Variants in CTNNA2 observed in about 807,000 individuals in gnomAD.
The protein encoded by CTNNA2 is catenin alpha 2, also known as catenin alpha-2.
Under a neutral mutation model 101.0 loss-of-function variants are expected in CTNNA2, and 42 were observed. That is an observed-to-expected ratio of 0.42 (90% CI 0.32 to 0.54). The LOEUF (loss-of-function observed/expected upper bound fraction) is 0.54. CTNNA2 is among the 20% of genes least tolerant of loss of function. The pLI, the probability that CTNNA2 is intolerant of heterozygous loss-of-function variation, is 0.14. For missense variants in CTNNA2, 871 were observed against 1,223.1 expected, an observed-to-expected ratio of 0.71 and a Z score of 4.29; for synonymous variants, 450 against 456.4, an observed-to-expected ratio of 0.99 and a Z score of 0.18.
At chr2:79,372,195 G>C (rs533377438) in intron 3 of CTNNA2, among the ~76,000 whole-genome samples, 2 of 152,082 alleles carry the variant, frequency 1.3e-5, no homozygotes, top group Non-Finnish European at 2.9e-5. Context: ...CTGGTGGCAG[G>C]CAGGGAGCTA....
intron 3 of CTNNA2, among the ~76,000 whole-genome samples, chr2:79,830,363 G>A (rs1359342285): frequency 6.6e-6 from 1 of 152,168 alleles, no homozygotes; most frequent in Non-Finnish European, 1.5e-5. Context: ...GGGAGGATGG[G>A]CCACGCATGG....
chr2:80,562,044 G>A (rs1693649414), intron 12 of CTNNA2, among the ~76,000 whole-genome samples: 1 of 149,458 alleles, frequency 6.7e-6, no homozygotes. Context: ...GAATATAAAT[G>A]CATGGTTCCT....
At position 80,300,072 on chromosome 2, in the gene CTNNA2, G is replaced by A. The variant is rs888654358; in HGVS notation, c.1057-93139G>A. Among the ~76,000 whole-genome samples, 3 of 152,092 alleles carry A rather than the reference G, an allele frequency of 2.0e-5. No homozygotes were observed. The South Asian group carries it at 6.2e-4, about 31-fold the overall frequency. On this transcript the variant is annotated intron_variant, in intron 7 of 18. Transcript: ENST00000402739. ...TTTTCCTGCTACCCCTGCTCTTGGA[G>A]TGGTATGCTATTTAGAAAGGCAAAC... is the stretch of plus-strand genomic sequence containing the variant.
chr2:80,028,996 A>G (rs567398418), intron 7 of CTNNA2, among the ~76,000 whole-genome samples: 6 of 152,236 alleles, frequency 3.9e-5, no homozygotes, highest in African/African-American at 1.4e-4. Flanking sequence ...AATTTGTCAT[A>G]GCCACAATAG....
intron 7 of CTNNA2, among the ~76,000 whole-genome samples, chr2:80,346,798 T>C (rs1209196330): frequency 6.6e-6 from 1 of 152,184 alleles, no homozygotes; most frequent in Non-Finnish European, 1.5e-5. Flanking sequence ...AGGAATGAAA[T>C]TATTTTAATT....
chr2:80,205,283 A>G (rs1195036714), intron 7 of CTNNA2, among the ~76,000 whole-genome samples: 3 of 152,202 alleles, frequency 2.0e-5, no homozygotes, highest in Admixed American at 2.0e-4. Flanking sequence ...AAAAAGAAAA[A>G]AAACCATACA....
At chr2:79,457,220 A>G (rs1670835725) in intron 4 of CTNNA2, among the ~76,000 whole-genome samples, 2 of 151,900 alleles carry the variant, frequency 1.3e-5, no homozygotes, top group African/African-American at 4.8e-5. Context: ...AAAAAAAGAA[A>G]AAGAAAATTA....
In CTNNA2 at chr2:79,454,658, T is replaced by C. The variant is rs553889728; in HGVS notation, c.-134-50396T>C. Among the ~76,000 whole-genome samples, 1,018 of 152,104 alleles carry C rather than the reference T, an allele frequency of 6.7e-3. 4 individuals are homozygous for C. The highest frequency in any genetic ancestry group is 0.024 in the Middle Eastern group (7 of 294). On this transcript the variant is annotated intron_variant, in intron 4 of 21. Coordinates refer to the CTNNA2 transcript ENST00000466387. Reference sequence around the variant, plus strand: ...TAACCAAGCTCAGATGAAAAATAAATTTTTTGGAGGTTAAATGATTGAGTC... The same window carrying C: ...TAACCAAGCTCAGATGAAAAATAAACTTTTTGGAGGTTAAATGATTGAGTC...
At chr2:80,568,030 A>T (rs1206087237) in intron 12 of CTNNA2, among the ~76,000 whole-genome samples, 2 of 152,054 alleles carry the variant, frequency 1.3e-5, no homozygotes, top group African/African-American at 4.8e-5. Context: ...CAGTTGGGTG[A>T]CCCCTGTGCA....
intron 2 of CTNNA2, among the ~76,000 whole-genome samples, chr2:79,727,752 A>G (rs1160020988): frequency 8.9e-6 from 1 of 112,350 alleles, no homozygotes; most frequent in African/African-American, 3.5e-5. Flanking sequence ...AACGGTCCCC[A>G]GAGTGTGATG....
intron 12 of CTNNA2, among the ~76,000 whole-genome samples, chr2:80,564,088 C>A (rs1350921925): frequency 2.0e-5 from 3 of 152,140 alleles, no homozygotes; most frequent in Non-Finnish European, 4.4e-5. Flanking sequence ...TTACCTTATT[C>A]TGGGGGATTA....
At chr2:80,218,909 C>T (rs568291175) in intron 7 of CTNNA2, among the ~76,000 whole-genome samples, 10 of 152,230 alleles carry the variant, frequency 6.6e-5, no homozygotes, top group East Asian at 3.9e-4. Flanking sequence ...AATATTTAAT[C>T]GTATCATTTA....
intron 7 of CTNNA2, among the ~76,000 whole-genome samples, chr2:80,149,508 TTTC>T (rs1410221191): frequency 2.0e-5 from 3 of 152,184 alleles, no homozygotes; most frequent in African/African-American, 7.2e-5. Context: ...CCAATTACAG[TTTC>T]TTCTTTCTCT....
intron 4 of CTNNA2, among the ~76,000 whole-genome samples, chr2:79,466,763 A>G (rs566606475): frequency 6.6e-6 from 1 of 152,350 alleles, no homozygotes; most frequent in South Asian, 2.1e-4. Flanking sequence ...ACCCAGGAGA[A>G]AAAGGTCTGG....
chr2:80,464,890 C>A (rs1476036297), intron 9 of CTNNA2, among the ~76,000 whole-genome samples: 2 of 152,164 alleles, frequency 1.3e-5, no homozygotes, highest in African/African-American at 4.8e-5. Context: ...AGTGGCACAG[C>A]TGGTGTTAAA....
At chr2:79,791,272 A>G (rs1675248035) in intron 3 of CTNNA2, among the ~76,000 whole-genome samples, 1 of 152,186 alleles carries the variant, frequency 6.6e-6, no homozygotes, top group Admixed American at 6.5e-5. Context: ...TGGAACAAAT[A>G]AGAATCTCAT....
At position 80,383,067 on chromosome 2, in the gene CTNNA2, T is replaced by C. The variant is rs151192545; in HGVS notation, c.1057-10144T>C. ...TTGCAGGCTTAGAAGGGGTATGTGG[T>C]TAATTAACCCCAGCTTTTAGCAATC... is the stretch of plus-strand genomic sequence containing the variant. On this transcript the variant is annotated intron_variant, in intron 7 of 18. Transcript: ENST00000402739. Among the ~76,000 whole-genome samples the C allele has an allele frequency of 2.9e-3, 439 of 152,250 alleles. 2 individuals carry two copies. The highest frequency in any genetic ancestry group is 4.9e-3 in the Non-Finnish European group (335 of 68,018).
rs575947089 is a variant in CTNNA2 at position 79,621,633 on chromosome 2, C to T, written c.-5-29919C>T. ...AAATGAGGGAAAGTAGACAAATTTC[C>T]CATGCAGAGTAATTTCAAATTATTT... On this transcript the variant is annotated intron_variant, in intron 1 of 18. Coordinates refer to ENST00000402739, the MANE Select transcript of CTNNA2 (RefSeq NM_001282597.3). 9.9e-5 allele frequency among the ~76,000 whole-genome samples: 15 copies of T among 152,178 alleles called. No homozygotes were observed. In the South Asian group the frequency reaches 3.1e-3, roughly 32 times the overall value.
chr2:79,500,560 T>G (rs7559674), intron 4 of CTNNA2: 113,674 of 152,126 alleles, frequency 0.75, 42,907 homozygotes, highest in African/African-American at 0.85. Flanking sequence ...GTGTGTATTT[T>G]TCTACTTTCT....
Sources: gnomAD v4.1 joint callset for allele counts (sites outside exome capture counted in the v4.1 genomes callset) on GRCh38, gnomAD v4.1.1 for gene constraint, MANE v1.5 for transcripts, NCBI Gene and HGNC (gene_info 2026-07-23, HGNC 2026-07-21) for gene names.